RRM2: variants seen among roughly 807,000 people sequenced by gnomAD.
RRM2 encodes ribonucleoside-diphosphate reductase subunit M2.
In RRM2, 6 loss-of-function variants were observed where a neutral mutation model predicts 45.9. The observed-to-expected ratio is 0.13, with a 90% CI of 0.07 to 0.26. The LOEUF (loss-of-function observed/expected upper bound fraction) is 0.26. Ranked by LOEUF, RRM2 falls within the 10% of genes least tolerant of loss-of-function variation. RRM2 has a pLI of 1.00. For missense variants in RRM2, 343 were observed against 489.5 expected (o/e 0.70, Z 2.82); for synonymous variants, 177 against 173.0 (o/e 1.02, Z -0.18).
rs1664625915 is a variant in RRM2 at position 10,204,326 on chromosome 2, G to A, written n.483-5985G>A. On this transcript the variant is annotated intron_variant and non_coding_transcript_variant, in intron 3 of 3. Transcript: ENST00000381786. The surrounding 1 kb of genome is among the most constrained non-coding windows in gnomAD (Gnocchi z 4.0). Reference sequence around the variant, plus strand: ...TCTTGGAGGAGGTGATGCTGGGCGAGTGTTAAAGGATACCTAGGCATCAGC... The same window carrying A: ...TCTTGGAGGAGGTGATGCTGGGCGAATGTTAAAGGATACCTAGGCATCAGC... 6.6e-6 allele frequency among the ~76,000 whole-genome samples: 1 copy of A among 152,198 alleles called. No individual in the cohort carries two copies. Among genetic ancestry groups the A allele is most frequent in the South Asian group, 2.1e-4 (1 of 4,830 alleles).
intron 3 of RRM2, among the ~76,000 whole-genome samples, chr2:10,146,745 G>A (rs2125313629): frequency 6.6e-6 from 1 of 152,358 alleles, no homozygotes; most frequent in Admixed American, 6.5e-5. Flanking sequence ...GGAGGAGGGA[G>A]AGGAGAGGGC....
At chr2:10,146,818 T>C (rs1663197138) in intron 3 of RRM2, among the ~76,000 whole-genome samples, 2 of 152,244 alleles carry the variant, frequency 1.3e-5, no homozygotes, top group African/African-American at 4.8e-5. Flanking sequence ...TGTACACAGG[T>C]AGTGAGGAAA....
rs1159945842 is a variant in RRM2, at chr2:10,205,428, C to T, written n.483-4883C>T. On this transcript the variant is annotated intron_variant and non_coding_transcript_variant, in intron 3 of 3. Coordinates refer to the RRM2 transcript ENST00000381786. This position sits in a 1 kb window ranked among gnomAD's most constrained non-coding sequence, Gnocchi z 4.8. ...AGCTTATTGGGGCTTATGAAGACTT[C>T]CACCTCATACAGGATGAATGATTCT... Among the ~76,000 whole-genome samples, 2 of 152,172 alleles carry T rather than the reference C, an allele frequency of 1.3e-5. No individual in the cohort carries two copies. Among genetic ancestry groups the T allele is most frequent in the Non-Finnish European group, 2.9e-5 (2 of 68,028 alleles).
chr2:10,170,684 C>T (rs1663782822), intron 3 of RRM2, among the ~76,000 whole-genome samples: 1 of 152,164 alleles, frequency 6.6e-6, no homozygotes, highest in South Asian at 2.1e-4. Context: ...CCTCTCCTCC[C>T]TCCTCCTTCT....
rs1486402190 is a variant in RRM2, at chr2:10,169,004, G to T, written n.482+26629G>T. On this transcript the variant is annotated intron_variant and non_coding_transcript_variant, in intron 3 of 3. Transcript: ENST00000381786. The surrounding 1 kb of genome is among the most constrained non-coding windows in gnomAD (Gnocchi z 5.1). The stretch of plus-strand genomic sequence containing the variant: ...TTTATTTATTTAGAGACAGGGTCTT[G>T]CTCTGTCACCCAGGCTGGAGTGCAG... 6.6e-6 allele frequency among the ~76,000 whole-genome samples: 1 copy of T among 152,026 alleles called. No individual in the cohort carries two copies. The highest frequency in any genetic ancestry group is 1.5e-5 in the Non-Finnish European group (1 of 68,012).
chr2:10,177,710 T>TCCCTCCCTCCCTCCCTCC (rs1412223767), intron 3 of RRM2, among the ~76,000 whole-genome samples: 3 of 116,484 alleles, frequency 2.6e-5, no homozygotes, highest in African/African-American at 9.6e-5. Context: ...TTCCTTCCTC[T>TCCCTCCCTCCCTCCCTCC]CTCCCTCCCT....
At chr2:10,143,945 C>T (rs1055763767) in intron 3 of RRM2, among the ~76,000 whole-genome samples, 1 of 152,196 alleles carries the variant, frequency 6.6e-6, no homozygotes, top group Admixed American at 6.5e-5. Context: ...GGATTACAGG[C>T]GTGAGCCACC....
downstream of RRM2, among the ~76,000 whole-genome samples, chr2:10,135,276 G>A (rs1380862753): frequency 2.6e-5 from 4 of 152,194 alleles, no homozygotes; most frequent in Admixed American, 1.3e-4. Flanking sequence ...GCTGAGGTGG[G>A]AGGATCACTT....
At chr2:10,124,104 C>A in intron 4 of RRM2, 1 of 427,376 alleles carries the variant, frequency 2.3e-6, no homozygotes, top group Non-Finnish European at 4.0e-6. Flanking sequence ...CACATCTGCC[C>A]CCTCTTTTTT....
chr2:10,180,636 C>T (rs1664026355), intron 3 of RRM2, among the ~76,000 whole-genome samples: 1 of 152,224 alleles, frequency 6.6e-6, no homozygotes, highest in Non-Finnish European at 1.5e-5. Context: ...GATGGTCCTT[C>T]TTTCTCTTCT....
intron 3 of RRM2, among the ~76,000 whole-genome samples, chr2:10,193,775 A>T (rs1178472212): frequency 6.6e-6 from 1 of 152,216 alleles, no homozygotes; most frequent in Non-Finnish European, 1.5e-5. Context: ...GAGCCGCAGC[A>T]GCCACAGAGC....
intron 3 of RRM2, among the ~76,000 whole-genome samples, chr2:10,148,968 C>G (rs1663249672): frequency 6.6e-6 from 1 of 152,118 alleles, no homozygotes; most frequent in South Asian, 2.1e-4. Context: ...GTGTCTTGAG[C>G]AATATTTGAT....
chr2:10,164,225 T>C (rs1663633008), intron 3 of RRM2, among the ~76,000 whole-genome samples: 1 of 152,220 alleles, frequency 6.6e-6, no homozygotes, highest in Admixed American at 6.5e-5. Flanking sequence ...CAGAGTGTTA[T>C]GACAGAGAAC....
chr2:10,133,274 T>C (rs1356279437), downstream of RRM2, among the ~76,000 whole-genome samples: 6 of 152,246 alleles, frequency 3.9e-5, no homozygotes, highest in African/African-American at 1.4e-4. Flanking sequence ...AGAGTTACAC[T>C]TCATTGTGTG....
chr2:10,141,494 A>G (rs1663077765), exon 1 of RRM2: 1 of 275,840 alleles, frequency 3.6e-6, no homozygotes, highest in Admixed American at 4.7e-5. Flanking sequence ...CTGCTTCTGC[A>G]TCCTTGGTCA....
At chr2:10,186,984 C>T (rs1479838078) in intron 3 of RRM2, among the ~76,000 whole-genome samples, 1 of 152,218 alleles carries the variant, frequency 6.6e-6, no homozygotes, top group Non-Finnish European at 1.5e-5. Flanking sequence ...AGGAGTCCCC[C>T]GAAGGGGGGC....
upstream of RRM2, chr2:10,122,661 G>A (rs1419259382): frequency 1.3e-6 from 2 of 1,549,074 alleles, no homozygotes; most frequent in Non-Finnish European, 1.7e-6. Context: ...GGGAAGGGCC[G>A]GGGCACCAAA....
At chr2:10,177,553 C>T (rs1663941969) in intron 3 of RRM2, among the ~76,000 whole-genome samples, 3 of 151,990 alleles carry the variant, frequency 2.0e-5, no homozygotes, top group South Asian at 2.1e-4. Flanking sequence ...TGCATCCATT[C>T]GTGTGTGTGT....
Position 10,126,805 on chromosome 2 carries a change from A to G in RRM2, c.570-70A>G, listed in dbSNP as rs992943448. On this transcript the variant is annotated intron_variant, in intron 5 of 9. Coordinates refer to ENST00000304567, the MANE Select transcript of RRM2 (RefSeq NM_001034.4). ...ATTTGGCCTTTGTCCCAGAGCTCTT[A>G]TCTAGCAGTTGGTAATCGGAGGTCT... 7.6e-6 allele frequency: 9 copies of G among 1,177,962 alleles called. No individual in the cohort carries two copies. In the African/African-American group the frequency reaches 1.4e-4, roughly 18 times the overall value. 73.0% of individuals were successfully genotyped at this position (1,177,962 alleles called of 1,614,324 possible). A position where few individuals can be genotyped will look rare whatever the true frequency, so the allele number is the denominator to read the frequency against.
Sources: gnomAD v4.1 joint callset for allele counts (sites outside exome capture counted in the v4.1 genomes callset) on GRCh38, gnomAD v4.1.1 for gene constraint, Gnocchi (gnomAD v3.1) non-coding constraint, MANE v1.5 for transcripts, NCBI Gene and HGNC (gene_info 2026-07-23, HGNC 2026-07-21) for gene names.